The following ALPK1 variants were observed in gnomAD, a reference collection of about 807,000 sequenced individuals.
ALPK1 encodes the protein alpha-protein kinase 1.
In ALPK1, 110 loss-of-function variants were observed where a neutral mutation model predicts 120.6. The observed-to-expected ratio is 0.91, with a 90% CI of 0.78 to 1.07. The LOEUF is 1.07. Ranked by LOEUF, ALPK1 falls within the 50% of genes least tolerant of loss-of-function variation. The pLI, the probability that ALPK1 is intolerant of heterozygous loss-of-function variation, is 0.00. For synonymous variants in ALPK1, 582 were observed against 560.3 expected, an observed-to-expected ratio of 1.04 and a Z score of -0.55; for missense variants, 1,498 against 1,483.9, an observed-to-expected ratio of 1.01 and a Z score of -0.16.
At chr4:112,322,993 C>T (rs961557521) in intron 2 of ALPK1, among the ~76,000 whole-genome samples, 30 of 152,212 alleles carry the variant, frequency 2.0e-4, no homozygotes, top group Non-Finnish European at 4.1e-4. Flanking sequence ...TGTCAGTCAT[C>T]AGCCCAGCCA....
intron 5 of ALPK1, among the ~76,000 whole-genome samples, chr4:112,422,409 C>A (rs1734038804): frequency 1.3e-5 from 2 of 152,188 alleles, no homozygotes; most frequent in East Asian, 3.8e-4. Flanking sequence ...TAGCTAGACA[C>A]CGAGTCCACT....
intron 2 of ALPK1, among the ~76,000 whole-genome samples, chr4:112,376,711 T>C (rs1432896179): frequency 6.6e-5 from 10 of 152,210 alleles, no homozygotes; most frequent in Admixed American, 6.5e-4. Context: ...AGAGACAGAA[T>C]AACTAGAGCC....
In ALPK1 at chr4:112,431,336, G is replaced by A; in HGVS notation, c.1789G>A (p.Glu597Lys). ...GTTTAGTTCCTCTGCAAGCTGGGAG[G>A]AAGTGAATTATCACGTTGACGACAG... is the stretch of plus-strand genomic sequence containing the variant. ...SGFSSSASWE[E>K]VNYHVDDRSA... Residue 597 changes from glutamate to lysine, a missense_variant, in exon 11 of 16, where the codon GAA (glutamate) becomes AAA (lysine). Glu to Lys is a moderately conservative substitution (Grantham distance 56). Transcript: ENST00000650871. 6 of 1,614,192 alleles carry A rather than the reference G, an allele frequency of 3.7e-6. No homozygotes were observed. Among genetic ancestry groups the A allele is most frequent in the Non-Finnish European group, 5.1e-6 (6 of 1,180,034 alleles).
chr4:112,319,652 A>G lies in ALPK1; in HGVS notation c.-101+3800A>G, dbSNP rs572330254. Among the ~76,000 whole-genome samples the G allele has an allele frequency of 3.9e-5, 6 of 152,302 alleles. No individual in the cohort carries two copies. In the East Asian group the frequency reaches 9.6e-4, roughly 24 times the overall value. On this transcript the variant is annotated intron_variant, in intron 2 of 15. Coordinates refer to ENST00000650871, the MANE Select transcript of ALPK1 (RefSeq NM_025144.4). Reference sequence around the variant, plus strand: ...TTTTGGCAGTATGGTTATTTTCACAATATTGATTCTATCCACCCATGAGCA... The same window carrying G: ...TTTTGGCAGTATGGTTATTTTCACAGTATTGATTCTATCCACCCATGAGCA...
intron 10 of ALPK1, 143 bp downstream of exon 10, chr4:112,429,396 CAT>C: frequency 1.6e-6 from 1 of 638,856 alleles, no homozygotes; most frequent in Non-Finnish European, 2.7e-6. Context: ...CTCCACACCA[CAT>C]ATGGAAAAAT....
chr4:112,441,222 G>T lies in ALPK1; in HGVS notation c.*12G>T. 6.4e-7 allele frequency: 1 copy of T among 1,567,820 alleles called. No individual in the cohort carries two copies. The highest frequency in any genetic ancestry group is 8.8e-7 in the Non-Finnish European group (1 of 1,137,864). ...TTCCAGGCACATAGAATACGGCACA[G>T]TCTGGTCCTTTGGGGCTTGGGCAGG... On this transcript the variant is annotated 3_prime_UTR_variant, in exon 16 of 16. Coordinates refer to ENST00000650871, the MANE Select transcript of ALPK1 (RefSeq NM_025144.4).
At chr4:112,346,644 G>A (rs1240924197) in intron 2 of ALPK1, among the ~76,000 whole-genome samples, 1 of 152,184 alleles carries the variant, frequency 6.6e-6, no homozygotes, top group Non-Finnish European at 1.5e-5. Context: ...TCCCCATGTG[G>A]GGCATTGCAG....
chr4:112,401,704 C>T (rs1184945203), intron 4 of ALPK1, among the ~76,000 whole-genome samples: 1 of 152,122 alleles, frequency 6.6e-6, no homozygotes, highest in Non-Finnish European at 1.5e-5. Context: ...TCACAGGGAT[C>T]CTGGTGAAAT....
intron 2 of ALPK1, chr4:112,359,236 C>A (rs569150226): frequency 3.5e-6 from 2 of 565,886 alleles, no homozygotes; most frequent in East Asian, 3.7e-5. Context: ...TCCAGAGCGC[C>A]CAGAGCAGGG....
At chr4:112,411,336 C>T (rs1047148800) in intron 4 of ALPK1, among the ~76,000 whole-genome samples, 5 of 152,226 alleles carry the variant, frequency 3.3e-5, no homozygotes, top group Admixed American at 6.5e-5. Flanking sequence ...GTGATTCTCC[C>T]GCCTCAGCCT....
chr4:112,404,681 T>C (rs1402534106), intron 4 of ALPK1, among the ~76,000 whole-genome samples: 3 of 152,256 alleles, frequency 2.0e-5, no homozygotes, highest in African/African-American at 7.2e-5. Flanking sequence ...TCTCTTTCTG[T>C]GCAATCTGGG....
At chr4:112,332,899 A>T (rs939711527) in intron 2 of ALPK1, among the ~76,000 whole-genome samples, 6 of 152,178 alleles carry the variant, frequency 3.9e-5, no homozygotes, top group Admixed American at 2.0e-4. Flanking sequence ...TACCCTCGTG[A>T]ATTACTGCAG....
chr4:112,433,364 G>A (rs114928239), intron 11 of ALPK1, among the ~76,000 whole-genome samples: 1 of 152,120 alleles, frequency 6.6e-6, no homozygotes, highest in African/African-American at 2.4e-5. Flanking sequence ...TCTCTTTTAT[G>A]AGGGCACTCA....
chr4:112,434,506 G>A (rs1049738779), intron 11 of ALPK1, among the ~76,000 whole-genome samples: 2 of 152,176 alleles, frequency 1.3e-5, no homozygotes, highest in African/African-American at 4.8e-5. Flanking sequence ...GGATTCATGT[G>A]GGTGTTTCTC....
chr4:112,324,993 G>C (rs1162638198), intron 2 of ALPK1, among the ~76,000 whole-genome samples: 1 of 148,626 alleles, frequency 6.7e-6, no homozygotes, highest in East Asian at 2.0e-4. Flanking sequence ...GGGGCAAATA[G>C]AGTGAATCCC....
intron 4 of ALPK1, among the ~76,000 whole-genome samples, chr4:112,385,709 T>C (rs1315310930): frequency 6.6e-6 from 1 of 152,204 alleles, no homozygotes; most frequent in Non-Finnish European, 1.5e-5. Context: ...CCATGATTTG[T>C]TTTTGTTTCA....
At chr4:112,303,411 C>T (rs1263244680) in intron 1 of ALPK1, among the ~76,000 whole-genome samples, 1 of 152,136 alleles carries the variant, frequency 6.6e-6, no homozygotes, top group Non-Finnish European at 1.5e-5. Flanking sequence ...CAAATTCAGC[C>T]AAGCCAAAAA....
intron 2 of ALPK1, chr4:112,358,649 C>T (rs1163788081): frequency 1.5e-5 from 11 of 710,748 alleles, no homozygotes; most frequent in Non-Finnish European, 2.8e-5. Context: ...AGGAGCAGGC[C>T]CACAGGTGCT....
chr4:112,339,855 G>A (rs527911457), intron 2 of ALPK1, among the ~76,000 whole-genome samples: 1 of 152,334 alleles, frequency 6.6e-6, no homozygotes, highest in Non-Finnish European at 1.5e-5. Context: ...TAGACAGAAG[G>A]TGTGGTTAGC....
Sources: allele counts gnomAD v4.1 joint callset (sites outside exome capture counted in the v4.1 genomes callset), GRCh38; gene constraint gnomAD v4.1.1; transcripts MANE v1.5; gene names NCBI Gene and HGNC (gene_info 2026-07-23, HGNC 2026-07-21).